Variants in ROBO1 observed in about 807,000 individuals in gnomAD.
The protein encoded by ROBO1 is roundabout guidance receptor 1.
A neutral mutation model predicts 195.9 loss-of-function variants in ROBO1; 149 were observed. The ratio of observed to expected loss-of-function variants is 0.76; its 90% confidence interval spans 0.67 to 0.87. The LOEUF is 0.87. Ranked by LOEUF, ROBO1 falls within the 40% of genes least tolerant of loss-of-function variation. The pLI, the probability that ROBO1 is intolerant of heterozygous loss-of-function variation, is 0.00. For synonymous variants in ROBO1, 816 were observed against 733.2 expected, an observed-to-expected ratio of 1.11 and a Z score of -1.82; for missense variants, 1,933 against 2,068.3, an observed-to-expected ratio of 0.93 and a Z score of 1.27.
intron 3 of ROBO1, among the ~76,000 whole-genome samples, chr3:79,075,827 A>C (rs1559641408): frequency 6.6e-6 from 1 of 151,880 alleles, no homozygotes; most frequent in African/African-American, 2.4e-5. Flanking sequence ...TATAACATAT[A>C]TAATTATAGT....
chr3:79,238,151 A>C (rs1398258332), intron 2 of ROBO1, among the ~76,000 whole-genome samples: 2 of 152,214 alleles, frequency 1.3e-5, no homozygotes, highest in Non-Finnish European at 2.9e-5. Context: ...CCATGTAAAA[A>C]TACATTTATT....
chr3:79,366,235 G>C (rs1454180307), intron 2 of ROBO1, among the ~76,000 whole-genome samples: 1 of 152,044 alleles, frequency 6.6e-6, no homozygotes, highest in Non-Finnish European at 1.5e-5. Context: ...GAAAATTTTG[G>C]CATGAAAGAT....
intron 3 of ROBO1, among the ~76,000 whole-genome samples, chr3:78,950,220 A>G (rs1481384484): frequency 6.6e-6 from 1 of 152,164 alleles, no homozygotes; most frequent in Non-Finnish European, 1.5e-5. Flanking sequence ...ACGTATGTTT[A>G]CAGCAGCACT....
chr3:78,601,534 G>C (rs1270369956), intron 29 of ROBO1, among the ~76,000 whole-genome samples: 1 of 152,124 alleles, frequency 6.6e-6, no homozygotes, highest in Non-Finnish European at 1.5e-5. Flanking sequence ...CTCTGTCTCT[G>C]TTTCATCAAC....
chr3:78,668,080 G>A lies in ROBO1; in HGVS notation c.1800-31C>T, dbSNP rs527318843. On this transcript the variant is annotated intron_variant, in intron 13 of 30. Transcript: ENST00000464233. ...GATAGACACACAGGTTAGAACATGC[G>A]TATTTAATGGAGAATCAAAAAAGAA... 78 of 1,611,302 alleles carry A rather than the reference G, an allele frequency of 4.8e-5. No homozygotes were observed. In the East Asian group the frequency reaches 5.6e-4, roughly 12 times the overall value.
chr3:79,557,720 G>A (rs1039366381), intron 2 of ROBO1, among the ~76,000 whole-genome samples: 4 of 101,196 alleles, frequency 4.0e-5, no homozygotes, highest in African/African-American at 2.1e-4. Flanking sequence ...GCAACAGAGC[G>A]AGACTGTCTT....
intron 2 of ROBO1, among the ~76,000 whole-genome samples, chr3:79,270,185 CT>C (rs1257387376): frequency 3.8e-4 from 30 of 79,346 alleles, no homozygotes; most frequent in African/African-American, 1.1e-3. Flanking sequence ...AATGTTCTCT[CT>C]CTCTCTCTCT....
intron 11 of ROBO1, among the ~76,000 whole-genome samples, 163 bp downstream of exon 11, chr3:78,669,933 T>C (rs1204397097): frequency 2.0e-5 from 3 of 152,140 alleles, no homozygotes; most frequent in Non-Finnish European, 4.4e-5. Flanking sequence ...CTCAAACATA[T>C]ACAATGAAAT....
At chr3:79,568,378 A>G (rs891229769) in intron 2 of ROBO1, among the ~76,000 whole-genome samples, 1 of 151,970 alleles carries the variant, frequency 6.6e-6, no homozygotes, top group African/African-American at 2.4e-5. Context: ...CGAATCTTCA[A>G]ACAATTAGAA....
At chr3:79,210,499 C>T (rs1329795986) in intron 2 of ROBO1, among the ~76,000 whole-genome samples, 1 of 152,122 alleles carries the variant, frequency 6.6e-6, no homozygotes, top group Admixed American at 6.6e-5. Context: ...TTATATCTAT[C>T]CATCTCCAAG....
intron 10 of ROBO1, among the ~76,000 whole-genome samples, chr3:78,683,974 C>A (rs1401569721): frequency 6.6e-6 from 1 of 151,720 alleles, no homozygotes; most frequent in African/African-American, 2.4e-5. Context: ...AGAGAATGAC[C>A]AGGAAGAAAT....
chr3:78,766,528 C>T (rs745431212), intron 4 of ROBO1, among the ~76,000 whole-genome samples: 12 of 152,050 alleles, frequency 7.9e-5, no homozygotes, highest in African/African-American at 2.4e-4. Context: ...GGAGACTTTA[C>T]GGTTTTTTTA....
chr3:79,675,182 A>G (rs950156565), intron 1 of ROBO1, among the ~76,000 whole-genome samples: 3 of 151,946 alleles, frequency 2.0e-5, no homozygotes, highest in Non-Finnish European at 4.4e-5. Context: ...GTCGGTGTGT[A>G]TGAGCCTATA....
intron 3 of ROBO1, among the ~76,000 whole-genome samples, chr3:79,073,264 T>C (rs115855039): frequency 0.012 from 1,871 of 152,068 alleles, 48 homozygotes; most frequent in African/African-American, 0.043. Flanking sequence ...TTATAGAAAT[T>C]AATGCATAAG....
intron 2 of ROBO1, among the ~76,000 whole-genome samples, chr3:79,189,984 A>G (rs1314057281): frequency 6.6e-6 from 1 of 151,830 alleles, no homozygotes; most frequent in East Asian, 1.9e-4. Flanking sequence ...TTTCTATACT[A>G]TACATCCCAA....
chr3:79,674,453 A>T (rs1946722299), intron 1 of ROBO1, among the ~76,000 whole-genome samples: 1 of 151,936 alleles, frequency 6.6e-6, no homozygotes, highest in South Asian at 2.1e-4. Flanking sequence ...TGTTGCAAAA[A>T]TTTTTGAAAA....
intron 2 of ROBO1, among the ~76,000 whole-genome samples, chr3:79,146,811 A>T (rs2080662677): frequency 6.6e-6 from 1 of 151,976 alleles, no homozygotes; most frequent in Admixed American, 6.6e-5. Context: ...TCTTAGTTGA[A>T]TCTGATTATT....
At chr3:79,576,277 A>G (rs1425118252) in intron 2 of ROBO1, among the ~76,000 whole-genome samples, 1 of 151,954 alleles carries the variant, frequency 6.6e-6, no homozygotes, top group African/African-American at 2.4e-5. Context: ...ATCTGGAGCA[A>G]TTCTCCTTTC....
At chr3:78,895,336 A>C (rs891549231) in intron 4 of ROBO1, among the ~76,000 whole-genome samples, 1 of 152,214 alleles carries the variant, frequency 6.6e-6, no homozygotes, top group Non-Finnish European at 1.5e-5. Context: ...GAAAGAGAAA[A>C]AAAGTAAAAT....
Sources: allele counts gnomAD v4.1 joint callset (sites outside exome capture counted in the v4.1 genomes callset), GRCh38; gene constraint gnomAD v4.1.1; transcripts MANE v1.5; gene names NCBI Gene and HGNC (gene_info 2026-07-23, HGNC 2026-07-21).